Variants in OR7A5 observed in about 807,000 individuals in gnomAD.
OR7A5 encodes the protein olfactory receptor family 7 subfamily A member 5.
For synonymous variants in OR7A5, 140 were observed against 146.7 expected (o/e 0.95, Z 0.33); for missense variants, 319 against 377.9 (o/e 0.84, Z 1.29).
intron 1 of OR7A5, among the ~76,000 whole-genome samples, chr19:14,834,852 A>G (rs988041531): frequency 3.3e-5 from 5 of 152,320 alleles, no homozygotes; most frequent in African/African-American, 1.2e-4. Flanking sequence ...CTAAATGTCA[A>G]TAGTCGTCAC....
chr19:14,834,477 C>T lies in OR7A5; in HGVS notation c.-14+597G>A, dbSNP rs116379159. Among the ~76,000 whole-genome samples the T allele has an allele frequency of 4.5e-3, 683 of 152,210 alleles. 7 individuals carry two copies. Among genetic ancestry groups the T allele is most frequent in the African/African-American group, 0.016 (653 of 41,518 alleles). ...AACAACACACAAATATATTCAGCCA[C>T]GCAAGTGAGGAAATAAATGCAAGTA... On this transcript the variant is annotated intron_variant, in intron 1 of 1. Transcript: ENST00000322301.
rs141480635 is a variant in OR7A5, at chr19:14,826,983, C to T, written c.*299G>A. 354 of 232,296 alleles carry T rather than the reference C, an allele frequency of 1.5e-3. 3 individuals carry two copies. The highest frequency in any genetic ancestry group is 7.5e-3 in the African/African-American group (333 of 44,136). The allele number at this position is 232,296 out of a possible 1,614,324, so 14.4% of individuals were successfully genotyped here. A position where few individuals can be genotyped will look rare whatever the true frequency, so the allele number is the denominator to read the frequency against. ...CCCCAATTGCCAAGTGTAGTCTATG[C>T]CACAGGAGACATACAACTCTTCCCT... is the stretch of plus-strand genomic sequence containing the variant. On this transcript the variant is annotated 3_prime_UTR_variant, in exon 2 of 2. Transcript: ENST00000322301.
chr19:14,829,585 A>G (rs976542860), intron 1 of OR7A5, among the ~76,000 whole-genome samples: 8 of 152,204 alleles, frequency 5.3e-5, no homozygotes, highest in African/African-American at 1.9e-4. Context: ...GTGATGGGAC[A>G]TGGTGTCAGA....
chr19:14,827,516 T>G lies in OR7A5; in HGVS notation c.726A>C (p.Ala242=). The G allele has an allele frequency of 6.2e-7, 1 of 1,614,154 alleles. No individual in the cohort carries two copies. Among genetic ancestry groups the G allele is most frequent in the South Asian group, 1.1e-5 (1 of 91,082 alleles). The change falls in exon 2 of 2, where the codon GCA becomes GCC. Residue 242 remains alanine (A), a synonymous_variant. Coordinates refer to ENST00000322301, the MANE Select transcript of OR7A5 (RefSeq NM_017506.2). ...ATAAGGAGACAACTGAGAGGTGAGA[T>G]GCACAGGTGGAAAATGCCTTGTACT... The part of the protein sequence containing the change: ...QGKYKAFSTC[A]SHLSVVSLFY...
chr19:14,830,297 T>C (rs16979945), intron 1 of OR7A5, among the ~76,000 whole-genome samples: 14,796 of 152,188 alleles, frequency 0.097, 1,444 homozygotes, highest in African/African-American at 0.25. Context: ...CAGCCCTGTG[T>C]TTAAAGAAAC....
rs2044776696 is a variant in OR7A5, at chr19:14,827,261, C to T, written c.*21G>A. The T allele has an allele frequency of 6.6e-7, 1 of 1,512,558 alleles. No individual in the cohort carries two copies. The highest frequency in any genetic ancestry group is 1.4e-5 in the African/African-American group (1 of 71,642). 93.7% of individuals were successfully genotyped at this position (1,512,558 alleles called of 1,614,324 possible). A position where few individuals can be genotyped will look rare whatever the true frequency, so the allele number is the denominator to read the frequency against. On this transcript the variant is annotated 3_prime_UTR_variant, in exon 2 of 2. Coordinates refer to ENST00000322301, the MANE Select transcript of OR7A5 (RefSeq NM_017506.2). The stretch of plus-strand genomic sequence containing the variant: ...GATTGAAGAATGACAGTTACTACCT[C>T]TGAAGCTTAGAGCCCTGCAATCATG...
At chr19:14,831,513 T>C (rs8113008) in intron 1 of OR7A5, among the ~76,000 whole-genome samples, 29,225 of 151,900 alleles carry the variant, frequency 0.19, 3,461 homozygotes, top group African/African-American at 0.33. Context: ...GGTGCAATAT[T>C]GGCTCACTGC....
intron 1 of OR7A5, among the ~76,000 whole-genome samples, chr19:14,833,546 A>G (rs960620562): frequency 1.3e-5 from 2 of 152,264 alleles, no homozygotes; most frequent in African/African-American, 4.8e-5. Flanking sequence ...GTGGGTGGGC[A>G]AATCACCTTA....
rs532698340 is a variant in OR7A5 at position 14,832,650 on chromosome 19, C to T, written c.-14+2424G>A. Among the ~76,000 whole-genome samples, 445 of 152,034 alleles carry T rather than the reference C, an allele frequency of 2.9e-3. 7 individuals carry two copies. Among genetic ancestry groups the T allele is most frequent in the Non-Finnish European group, 2.5e-3 (170 of 67,992 alleles). On this transcript the variant is annotated intron_variant, in intron 1 of 1. Coordinates refer to ENST00000322301, the MANE Select transcript of OR7A5 (RefSeq NM_017506.2). ...CCATGTTGGCCAGGATGGTCTCGATCTCCTGACCCCGTGATCCACCCACCT... is the reference window on the plus strand; with the variant it reads ...CCATGTTGGCCAGGATGGTCTCGATTTCCTGACCCCGTGATCCACCCACCT...
rs2044775198 is a variant in OR7A5 at position 14,827,126 on chromosome 19, A to G, written c.*156T>C. On this transcript the variant is annotated 3_prime_UTR_variant, in exon 2 of 2. Transcript: ENST00000322301. ...TGGATATCAGAGAGCAGAAAGCTTA[A>G]TAAAAGGAGTTGCTTAAATTCTACA... The G allele has an allele frequency of 3.0e-6, 2 of 668,848 alleles. No individual in the cohort carries two copies. The highest frequency in any genetic ancestry group is 4.5e-6 in the Non-Finnish European group (2 of 447,586). 41.4% of individuals were successfully genotyped at this position (668,848 alleles called of 1,614,324 possible). A position where few individuals can be genotyped will look rare whatever the true frequency, so the allele number is the denominator to read the frequency against.
intron 1 of OR7A5, among the ~76,000 whole-genome samples, chr19:14,833,851 T>C (rs2044858032): frequency 8.0e-6 from 1 of 125,126 alleles, no homozygotes; most frequent in African/African-American, 2.9e-5. Flanking sequence ...TTCTCAGCTG[T>C]CATAGATTTG....
chr19:14,831,669 T>C (rs897595292), intron 1 of OR7A5, among the ~76,000 whole-genome samples: 1 of 152,094 alleles, frequency 6.6e-6, no homozygotes, highest in African/African-American at 2.4e-5. Flanking sequence ...GGTCTCGATC[T>C]CCTGACCTCG....
chr19:14,830,273 G>C (rs988519800), intron 1 of OR7A5, among the ~76,000 whole-genome samples: 1 of 152,130 alleles, frequency 6.6e-6, no homozygotes, highest in African/African-American at 2.4e-5. Flanking sequence ...CTTCCATTTT[G>C]GTATGACTGT....
At chr19:14,833,607 GA>G (rs969643618) in intron 1 of OR7A5, among the ~76,000 whole-genome samples, 1 of 152,116 alleles carries the variant, frequency 6.6e-6, no homozygotes, top group African/African-American at 2.4e-5. Flanking sequence ...TTTAACTAAA[GA>G]ATATTTTAAA....
intron 1 of OR7A5, among the ~76,000 whole-genome samples, chr19:14,829,726 C>G (rs192740948): frequency 3.9e-5 from 6 of 152,194 alleles, no homozygotes; most frequent in African/African-American, 1.4e-4. Context: ...AATGCATCCC[C>G]TCTTTATTTC....
intron 1 of OR7A5, among the ~76,000 whole-genome samples, chr19:14,833,767 A>G (rs547376651): frequency 1.8e-4 from 27 of 152,322 alleles, no homozygotes; most frequent in African/African-American, 6.5e-4. Flanking sequence ...TATTTGCTCA[A>G]AGTCAGTAAT....
chr19:14,833,801 C>T (rs1041545773), intron 1 of OR7A5, among the ~76,000 whole-genome samples: 1 of 141,614 alleles, frequency 7.1e-6, no homozygotes, highest in South Asian at 2.2e-4. Flanking sequence ...AGTAAGAAAT[C>T]TCACGTCCAT....
Position 14,827,409 on chromosome 19 carries a change from T to C in OR7A5, c.833A>G (p.Tyr278Cys), listed in dbSNP as rs1223534617. The C allele has an allele frequency of 6.2e-7, 1 of 1,614,028 alleles. No individual in the cohort carries two copies. Among genetic ancestry groups the C allele is most frequent in the East Asian group, 2.2e-5 (1 of 44,900 alleles). The change falls in exon 2 of 2, where the codon TAC (tyrosine) becomes TGC (cysteine). Residue 278 changes from tyrosine (Y) to cysteine (C), a missense_variant. Tyr to Cys is a radical substitution (Grantham distance 194). Coordinates refer to ENST00000322301, the MANE Select transcript of OR7A5 (RefSeq NM_017506.2). ...SHSSATASVM[Y>C]TVVTPMLNPF... is the part of the protein sequence containing the mutation. Reference sequence around the variant, plus strand: ...GTTCAGCATGGGGGTGACCACAGTGTACATCACTGAGGCTGTTGCACTTGA... The same window carrying C: ...GTTCAGCATGGGGGTGACCACAGTGCACATCACTGAGGCTGTTGCACTTGA...
intron 1 of OR7A5, among the ~76,000 whole-genome samples, chr19:14,833,460 C>T (rs768188211): frequency 4.6e-5 from 7 of 152,194 alleles, no homozygotes; most frequent in Non-Finnish European, 7.3e-5. Flanking sequence ...TCCTGGTTGA[C>T]AGGGCGAGAC....
Sources: gnomAD v4.1 joint callset for allele counts (sites outside exome capture counted in the v4.1 genomes callset) on GRCh38, gnomAD v4.1.1 for gene constraint, MANE v1.5 for transcripts, NCBI Gene and HGNC (gene_info 2026-07-23, HGNC 2026-07-21) for gene names.